PARD3: variants seen among roughly 807,000 people sequenced by gnomAD.
The protein encoded by PARD3 is partitioning defective 3 homolog.
PARD3 carries 75 observed loss-of-function variants against 155.4 expected under a neutral mutation model. The observed-to-expected ratio is 0.48, with a 90% CI of 0.40 to 0.58. The LOEUF is 0.58. Ranked by LOEUF, PARD3 falls within the 20% of genes least tolerant of loss-of-function variation. PARD3 has a pLI of 0.00. For synonymous variants in PARD3, 576 were observed against 610.5 expected (o/e 0.94, Z 0.83); for missense variants, 1,642 against 1,721.7 (o/e 0.95, Z 0.82).
intron 1 of PARD3, among the ~76,000 whole-genome samples, chr10:34,713,784 G>A (rs577007091): frequency 6.6e-6 from 1 of 151,802 alleles, no homozygotes; most frequent in South Asian, 2.1e-4. Context: ...AAAAGAAAAA[G>A]GAAACAAAAA....
intron 4 of PARD3, among the ~76,000 whole-genome samples, chr10:34,456,590 G>T (rs1273066471): frequency 1.3e-5 from 2 of 152,240 alleles, no homozygotes; most frequent in East Asian, 3.9e-4. Context: ...GAGCCACCGT[G>T]CCTGGCCAAT....
intron 11 of PARD3, among the ~76,000 whole-genome samples, chr10:34,374,423 T>C (rs980034335): frequency 1.3e-5 from 2 of 152,162 alleles, no homozygotes; most frequent in Non-Finnish European, 2.9e-5. Context: ...TTTAAAAAGG[T>C]ATTCCTTTTC....
At chr10:34,301,635 C>G (rs571260810) in intron 20 of PARD3, among the ~76,000 whole-genome samples, 8 of 152,172 alleles carry the variant, frequency 5.3e-5, no homozygotes, top group Middle Eastern at 3.4e-3. Context: ...CAGTGCCAGC[C>G]CTTCCCCCTC....
At chr10:34,227,709 T>G (rs1588852716) in intron 22 of PARD3, among the ~76,000 whole-genome samples, 1 of 151,412 alleles carries the variant, frequency 6.6e-6, no homozygotes, top group Non-Finnish European at 1.5e-5. Flanking sequence ...AGGGAATGCT[T>G]ACAAACTGCT....
chr10:34,718,405 A>G (rs2094554208), intron 1 of PARD3, among the ~76,000 whole-genome samples: 1 of 152,168 alleles, frequency 6.6e-6, no homozygotes, highest in African/African-American at 2.4e-5. Flanking sequence ...CACACCTGTA[A>G]TCCCAGCACT....
At chr10:34,659,075 G>T (rs2093257183) in intron 2 of PARD3, among the ~76,000 whole-genome samples, 1 of 152,142 alleles carries the variant, frequency 6.6e-6, no homozygotes, top group Non-Finnish European at 1.5e-5. Flanking sequence ...CGCACACACA[G>T]TACTGGCTTG....
chr10:34,204,462 G>A (rs1044643375), intron 22 of PARD3, among the ~76,000 whole-genome samples: 3 of 152,130 alleles, frequency 2.0e-5, no homozygotes, highest in Non-Finnish European at 2.9e-5. Context: ...TATATACAGC[G>A]TTTTCACTTA....
In PARD3 at chr10:34,677,954, A is replaced by G. The variant is rs999559260; in HGVS notation, c.222+18364T>C. Reference sequence around the variant, plus strand: ...ATCAACATTAAGAAAAGGAATCTTTATAACACTGTTAAAAGATCCACTATA... The same window carrying G: ...ATCAACATTAAGAAAAGGAATCTTTGTAACACTGTTAAAAGATCCACTATA... On this transcript the variant is annotated intron_variant, in intron 2 of 24. Coordinates refer to ENST00000374788, the MANE Select transcript of PARD3 (RefSeq NM_001184785.2). Among the ~76,000 whole-genome samples, 4 of 152,254 alleles carry G rather than the reference A, an allele frequency of 2.6e-5. No individual in the cohort carries two copies. The East Asian group carries it at 7.7e-4, about 29-fold the overall frequency.
intron 22 of PARD3, among the ~76,000 whole-genome samples, chr10:34,153,415 C>G (rs1948867390): frequency 6.6e-6 from 1 of 152,182 alleles, no homozygotes; most frequent in Non-Finnish European, 1.5e-5. Flanking sequence ...GTATAATAAA[C>G]TTTTAGTCCA....
intron 2 of PARD3, among the ~76,000 whole-genome samples, chr10:34,666,796 A>ATATATATATATATATATAT (rs1554804562): frequency 3.0e-5 from 2 of 66,930 alleles, no homozygotes; most frequent in African/African-American, 6.1e-5. Flanking sequence ...AAAAAAAAAA[A>ATATATATATATATATATAT]ATATATATAT....
Position 34,240,943 on chromosome 10 carries a change from A to G in PARD3, c.3419+28714T>C, listed in dbSNP as rs149330871. 6.4e-3 allele frequency among the ~76,000 whole-genome samples: 967 copies of G among 152,244 alleles called. 8 individuals are homozygous for G. The highest frequency in any genetic ancestry group is 0.021 in the African/African-American group (878 of 41,544). ...CCTGCACACACACATCCATGAAACC[A>G]GTGTCAACTGAGCAGCCACCGTCTG... On this transcript the variant is annotated intron_variant, in intron 22 of 24. Coordinates refer to ENST00000374788, the MANE Select transcript of PARD3 (RefSeq NM_001184785.2).
intron 24 of PARD3, among the ~76,000 whole-genome samples, chr10:34,114,815 G>A (rs766454573): frequency 1.3e-5 from 2 of 152,224 alleles, no homozygotes; most frequent in South Asian, 2.1e-4. Context: ...ACTGTCCTGT[G>A]AGCCCTTGGC....
chr10:34,261,861 A>T (rs931517182), intron 22 of PARD3, among the ~76,000 whole-genome samples: 2 of 148,098 alleles, frequency 1.4e-5, no homozygotes, highest in Non-Finnish European at 1.5e-5. Context: ...CACACTGGAC[A>T]GAATGCAGTT....
intron 22 of PARD3, among the ~76,000 whole-genome samples, chr10:34,198,310 T>C (rs1951044964): frequency 6.6e-6 from 1 of 152,182 alleles, no homozygotes; most frequent in Admixed American, 6.6e-5. Context: ...CATTTTTGTC[T>C]TTTTTTCTGT....
At chr10:34,198,153 C>T (rs1406258747) in intron 22 of PARD3, among the ~76,000 whole-genome samples, 1 of 152,180 alleles carries the variant, frequency 6.6e-6, no homozygotes, top group Non-Finnish European at 1.5e-5. Flanking sequence ...GTAAAAAATT[C>T]AATAAGCCAA....
intron 1 of PARD3, among the ~76,000 whole-genome samples, chr10:34,804,604 T>A (rs1843146668): frequency 6.6e-6 from 1 of 152,270 alleles, no homozygotes; most frequent in East Asian, 1.9e-4. Flanking sequence ...ACACTGGGTT[T>A]CAGCATTATA....
chr10:34,783,668 T>TGATTATACA (rs1361404113), intron 1 of PARD3, among the ~76,000 whole-genome samples: 3 of 147,642 alleles, frequency 2.0e-5, no homozygotes, highest in African/African-American at 7.5e-5. Context: ...TAAAAACAAG[T>TGATTATACA]GATTATACAG....
intron 3 of PARD3, among the ~76,000 whole-genome samples, chr10:34,499,460 A>G (rs902764572): frequency 1.3e-5 from 2 of 152,176 alleles, no homozygotes; most frequent in African/African-American, 4.8e-5. Context: ...GTTTCCATAT[A>G]AAATTACAAC....
At chr10:34,571,935 G>A (rs1184563358) in intron 2 of PARD3, among the ~76,000 whole-genome samples, 1 of 152,102 alleles carries the variant, frequency 6.6e-6, no homozygotes, top group Non-Finnish European at 1.5e-5. Flanking sequence ...GATTTAGTGG[G>A]AGAATACAAA....
Sources: allele counts gnomAD v4.1 joint callset (sites outside exome capture counted in the v4.1 genomes callset), GRCh38; gene constraint gnomAD v4.1.1; transcripts MANE v1.5; gene names NCBI Gene and HGNC (gene_info 2026-07-23, HGNC 2026-07-21).